SLC35F4: variants seen among roughly 807,000 people sequenced by gnomAD.
SLC35F4 encodes the protein solute carrier family 35 member F4.
In SLC35F4, 24 loss-of-function variants were observed where a neutral mutation model predicts 44.2. That is an observed-to-expected ratio of 0.54 (90% confidence interval 0.39 to 0.76). The LOEUF is 0.76. Among genes scored for constraint, SLC35F4 ranks in the 30% least tolerant of loss-of-function variants. The pLI, the probability that SLC35F4 is intolerant of heterozygous loss-of-function variation, is 0.00. For synonymous variants in SLC35F4, 238 were observed against 223.6 expected (o/e 1.06, Z -0.57); for missense variants, 562 against 586.1 (o/e 0.96, Z 0.42).
intron 1 of SLC35F4, among the ~76,000 whole-genome samples, chr14:57,682,603 G>A (rs2346993): frequency 0.15 from 22,339 of 150,504 alleles, 1,865 homozygotes; most frequent in East Asian, 0.29. Context: ...AAACATGCAC[G>A]TTCTGCACAT....
At chr14:57,902,880 A>G (rs1040329238) in intron 1 of SLC35F4, among the ~76,000 whole-genome samples, 2 of 152,052 alleles carry the variant, frequency 1.3e-5, no homozygotes, top group Admixed American at 1.3e-4. Context: ...CCTTTCCTTC[A>G]AGTCTTCTTA....
chr14:57,595,952 A>T (rs2070462149), intron 1 of SLC35F4: 1 of 152,274 alleles, frequency 6.6e-6, no homozygotes, highest in African/African-American at 2.4e-5. Flanking sequence ...TAATGAGTAC[A>T]AACATATAGT....
intron 1 of SLC35F4, among the ~76,000 whole-genome samples, chr14:57,963,763 C>A (rs1289868808): frequency 6.9e-6 from 1 of 145,570 alleles, no homozygotes; most frequent in Non-Finnish European, 1.5e-5. Flanking sequence ...CATTTTGTGG[C>A]CCAGGCTGGA....
At chr14:57,601,595 G>A (rs188675487) in intron 1 of SLC35F4, among the ~76,000 whole-genome samples, 73 of 152,056 alleles carry the variant, frequency 4.8e-4, no homozygotes, top group African/African-American at 1.6e-3. Context: ...AATTCATTTT[G>A]TATTTATCTA....
chr14:57,567,180 T>C (rs1344631571), intron 6 of SLC35F4, among the ~76,000 whole-genome samples: 1 of 152,248 alleles, frequency 6.6e-6, no homozygotes, highest in Non-Finnish European at 1.5e-5. Context: ...TGCTCTTCAA[T>C]GAATACCTTT....
At chr14:57,903,742 C>A (rs1414073743) in intron 1 of SLC35F4, among the ~76,000 whole-genome samples, 1 of 152,134 alleles carries the variant, frequency 6.6e-6, no homozygotes, top group Non-Finnish European at 1.5e-5. Flanking sequence ...CTAGAAATCT[C>A]TGACAAGAAA....
At chr14:57,825,299 T>C (rs1883613804) in intron 1 of SLC35F4, among the ~76,000 whole-genome samples, 1 of 152,154 alleles carries the variant, frequency 6.6e-6, no homozygotes, top group Non-Finnish European at 1.5e-5. Context: ...GTCTGGGAAA[T>C]AATCATTTGG....
At chr14:57,980,385 G>C (rs992757335) in intron 1 of SLC35F4, among the ~76,000 whole-genome samples, 1 of 152,194 alleles carries the variant, frequency 6.6e-6, no homozygotes, top group Non-Finnish European at 1.5e-5. Flanking sequence ...TCTTGGAAAG[G>C]TTGAGAGAAA....
At position 57,848,210 on chromosome 14, in the gene SLC35F4, G is replaced by A. The variant is rs544246713; in HGVS notation, c.103+17513C>T. On this transcript the variant is annotated intron_variant, in intron 1 of 7. Coordinates refer to ENST00000556826, the MANE Select transcript of SLC35F4 (RefSeq NM_001306087.2). Reference sequence around the variant, plus strand: ...AAAATCAGCAGTCTTGTGTAAGCCTGTTTAAGGAACATTATGGCTTCTTAA... The same window carrying A: ...AAAATCAGCAGTCTTGTGTAAGCCTATTTAAGGAACATTATGGCTTCTTAA... 2.6e-5 allele frequency among the ~76,000 whole-genome samples: 4 copies of A among 152,284 alleles called. No individual in the cohort carries two copies. In the South Asian group the frequency reaches 8.3e-4, roughly 32 times the overall value.
intron 1 of SLC35F4, among the ~76,000 whole-genome samples, chr14:57,696,070 C>G (rs901130293): frequency 6.6e-6 from 1 of 151,966 alleles, no homozygotes; most frequent in Non-Finnish European, 1.5e-5. Flanking sequence ...CAACAAAAGC[C>G]AAAATTGACA....
intron 1 of SLC35F4, among the ~76,000 whole-genome samples, chr14:57,949,936 C>T (rs1890104768): frequency 6.6e-6 from 1 of 152,086 alleles, no homozygotes; most frequent in South Asian, 2.1e-4. Flanking sequence ...TTGTCTGATG[C>T]TTTTGTTTCA....
At chr14:57,659,873 A>G (rs933784101) in intron 1 of SLC35F4, among the ~76,000 whole-genome samples, 1 of 152,218 alleles carries the variant, frequency 6.6e-6, no homozygotes, top group Admixed American at 6.6e-5. Context: ...TTTATGACAG[A>G]GCAGATCTGG....
chr14:57,583,438 T>C (rs1035196644), intron 3 of SLC35F4, among the ~76,000 whole-genome samples: 4 of 152,214 alleles, frequency 2.6e-5, no homozygotes, highest in African/African-American at 7.2e-5. Flanking sequence ...GGATATCTTT[T>C]TCTTATCACT....
downstream of SLC35F4, among the ~76,000 whole-genome samples, chr14:57,976,058 A>G (rs977868479): frequency 4.6e-5 from 7 of 152,228 alleles, no homozygotes; most frequent in African/African-American, 1.7e-4. Flanking sequence ...CATGAGTTCA[A>G]TAATTAGAAA....
intron 1 of SLC35F4, among the ~76,000 whole-genome samples, chr14:57,959,569 A>G (rs1304099388): frequency 2.6e-5 from 4 of 152,142 alleles, no homozygotes; most frequent in Non-Finnish European, 5.9e-5. Flanking sequence ...AGCAGACCCT[A>G]CTGTCCAAGA....
Position 57,666,710 on chromosome 14 carries a change from C to CT in SLC35F4, c.104-72587dup, listed in dbSNP as rs71104578. Among the ~76,000 whole-genome samples, 202 of 144,016 alleles carry CT rather than the reference C, an allele frequency of 1.4e-3. 1 individual carries two copies. Among genetic ancestry groups the CT allele is most frequent in the African/African-American group, 3.0e-3 (116 of 39,156 alleles). The allele number at this position is 144,016 out of a possible 152,430, so 94.5% of individuals were successfully genotyped here. On this transcript the variant is annotated intron_variant, in intron 1 of 7. Transcript: ENST00000556826. Reference sequence around the variant, plus strand: ...CATGATGGCCAAAAAAAAGGAACTTCTTTTTTTTTTTTTCAACTGACTGTA... The same window carrying CT: ...CATGATGGCCAAAAAAAAGGAACTTCTTTTTTTTTTTTTTCAACTGACTGTA...
intron 1 of SLC35F4, among the ~76,000 whole-genome samples, chr14:57,737,452 A>C (rs1459083713): frequency 6.6e-6 from 1 of 152,128 alleles, no homozygotes; most frequent in Non-Finnish European, 1.5e-5. Context: ...TTGACTCTTA[A>C]CTGTGAACTG....
At chr14:57,947,251 G>GTT (rs71104597) in intron 1 of SLC35F4, among the ~76,000 whole-genome samples, 16 of 138,670 alleles carry the variant, frequency 1.2e-4, no homozygotes, top group East Asian at 8.2e-4. Flanking sequence ...TGGGTTTTTT[G>GTT]TTTTTTTTTT....
At chr14:57,636,335 G>A (rs1475533807) in intron 1 of SLC35F4, among the ~76,000 whole-genome samples, 2 of 152,106 alleles carry the variant, frequency 1.3e-5, no homozygotes, top group African/African-American at 2.4e-5. Flanking sequence ...CTATATTGCA[G>A]AGGTTGCACT....
Sources: allele counts gnomAD v4.1 joint callset (sites outside exome capture counted in the v4.1 genomes callset), GRCh38; gene constraint gnomAD v4.1.1; transcripts MANE v1.5; gene names NCBI Gene and HGNC (gene_info 2026-07-23, HGNC 2026-07-21).